RBFOX3: variants seen among roughly 807,000 people sequenced by gnomAD.
RBFOX3 encodes RNA binding protein fox-1 homolog 3.
Under a neutral mutation model 48.7 loss-of-function variants are expected in RBFOX3, and 17 were observed. The observed-to-expected ratio is 0.35, with a 90% CI of 0.24 to 0.52. RBFOX3 has a LOEUF of 0.52. Among genes scored for constraint, RBFOX3 ranks in the 20% least tolerant of loss-of-function variants. RBFOX3 has a pLI of 0.94. For synonymous variants in RBFOX3, 212 were observed against 209.5 expected (o/e 1.01, Z -0.10); for missense variants, 382 against 497.5 (o/e 0.77, Z 2.21).
At chr17:79,097,183 C>CCCG in intron 11 of RBFOX3, 109 bp downstream of exon 11, 1 of 891,648 alleles carries the variant, frequency 1.1e-6, no homozygotes, top group Non-Finnish European at 1.6e-6. Flanking sequence ...TCCCCCCCCC[C>CCCG]AGGTCTGGAA....
chr17:79,432,190 A>G (rs2068583831), intron 2 of RBFOX3, among the ~76,000 whole-genome samples: 1 of 152,154 alleles, frequency 6.6e-6, no homozygotes, highest in African/African-American at 2.4e-5. Context: ...TTGTTTCTCC[A>G]TTCATCTGTG....
At chr17:79,463,566 C>T (rs1186268219) in intron 2 of RBFOX3, among the ~76,000 whole-genome samples, 1 of 147,720 alleles carries the variant, frequency 6.8e-6, no homozygotes, top group South Asian at 2.2e-4. Context: ...GACACCTCCA[C>T]CACCATCGCC....
intron 2 of RBFOX3, among the ~76,000 whole-genome samples, chr17:79,382,766 C>T (rs1242775359): frequency 1.3e-5 from 2 of 152,204 alleles, no homozygotes; most frequent in Admixed American, 1.3e-4. Context: ...TCCCAGGCTC[C>T]TTGCAGCCTG....
intron 1 of RBFOX3, among the ~76,000 whole-genome samples, chr17:79,575,882 C>T (rs1460720481): frequency 6.6e-6 from 1 of 152,176 alleles, no homozygotes; most frequent in Non-Finnish European, 1.5e-5. Context: ...CTCGGTTAGG[C>T]TGAAACCACT....
At chr17:79,536,793 C>A (rs115171307) in intron 1 of RBFOX3, among the ~76,000 whole-genome samples, 1,819 of 152,296 alleles carry the variant, frequency 0.012, 26 homozygotes, top group African/African-American at 0.041. Context: ...CGGCTTAAAG[C>A]AACAGACATT....
intron 2 of RBFOX3, among the ~76,000 whole-genome samples, chr17:79,468,541 T>TAGGC (rs749752448): frequency 1.9e-3 from 282 of 151,688 alleles, no homozygotes; most frequent in Non-Finnish European, 3.2e-3. Context: ...CGGTAGCAGA[T>TAGGC]AGGCAGGCAG....
At chr17:79,296,305 C>CCACACA (rs61439993) in intron 3 of RBFOX3, among the ~76,000 whole-genome samples, 40 of 130,504 alleles carry the variant, frequency 3.1e-4, no homozygotes, top group African/African-American at 8.0e-4. Flanking sequence ...CACACACACA[C>CCACACA]CACACACACA....
intron 4 of RBFOX3, among the ~76,000 whole-genome samples, chr17:79,191,326 C>T (rs1001369050): frequency 1.3e-5 from 2 of 152,184 alleles, no homozygotes; most frequent in African/African-American, 4.8e-5. Flanking sequence ...AAACTCTGAC[C>T]AAACCTGAAA....
In RBFOX3 at chr17:79,366,915, A is replaced by T. The variant is rs1213578249; in HGVS notation, c.-174-59091T>A. Among the ~76,000 whole-genome samples, 113 of 152,274 alleles carry T rather than the reference A, an allele frequency of 7.4e-4. 2 individuals carry two copies. Among genetic ancestry groups the T allele is most frequent in the Non-Finnish European group, 1.8e-4 (12 of 68,010 alleles). Reference sequence around the variant, plus strand: ...CCCTCCCAGAGTACTGTCCTCAGAGAGAGCCACCTCGCCCAAGGGCCCTGG... The same window carrying T: ...CCCTCCCAGAGTACTGTCCTCAGAGTGAGCCACCTCGCCCAAGGGCCCTGG... On this transcript the variant is annotated intron_variant, in intron 2 of 14. Transcript: ENST00000693108.
chr17:79,541,477 C>T (rs1157767461), intron 1 of RBFOX3, among the ~76,000 whole-genome samples: 1 of 152,186 alleles, frequency 6.6e-6, no homozygotes, highest in African/African-American at 2.4e-5. Flanking sequence ...CTAGAGGCGC[C>T]TGGAGTCTGT....
intron 2 of RBFOX3, among the ~76,000 whole-genome samples, chr17:79,468,986 G>GGATA (rs200295263): frequency 0.11 from 9,718 of 91,126 alleles, 533 homozygotes; most frequent in Middle Eastern, 0.15. Flanking sequence ...ATGGATGGAT[G>GGATA]GATAGCAGAT....
Position 79,111,579 on chromosome 17 carries a change from G to A in RBFOX3, c.222+3915C>T, listed in dbSNP as rs901721126. 1.3e-5 allele frequency among the ~76,000 whole-genome samples: 2 copies of A among 152,208 alleles called. No homozygotes were observed. Among genetic ancestry groups the A allele is most frequent in the African/African-American group, 2.4e-5 (1 of 41,448 alleles). ...GCCTCCCGGGCAGCTGGGATTACAG[G>A]CACGAGCCACCATGCCCGATTAATT... is the stretch of plus-strand genomic sequence containing the variant. On this transcript the variant is annotated intron_variant, in intron 5 of 14. Transcript: ENST00000693108. This position sits in a 1 kb window ranked among gnomAD's most constrained non-coding sequence, Gnocchi z 4.2.
chr17:79,489,990 CTCA>C (rs2149579239), intron 1 of RBFOX3, among the ~76,000 whole-genome samples: 1 of 152,226 alleles, frequency 6.6e-6, no homozygotes, highest in Admixed American at 6.5e-5. Flanking sequence ...CACAGAGCAC[CTCA>C]TTTTAGTAGT....
At chr17:79,096,541 GTGGGATGGGA>G (rs758985975) in intron 12 of RBFOX3, 102 bp downstream of exon 12, 4 of 942,794 alleles carry the variant, frequency 4.2e-6, no homozygotes, top group Non-Finnish European at 6.4e-6. Flanking sequence ...GGCTTCAAGG[GTGGGATGGGA>G]TGGGATGGGA....
intron 4 of RBFOX3, among the ~76,000 whole-genome samples, chr17:79,227,452 G>T (rs2060442904): frequency 6.6e-6 from 1 of 152,198 alleles, no homozygotes; most frequent in Non-Finnish European, 1.5e-5. Context: ...CAGGGCAGGG[G>T]CTTTGTTTGG....
intron 4 of RBFOX3, among the ~76,000 whole-genome samples, chr17:79,202,432 G>A (rs1006603488): frequency 2.0e-5 from 3 of 152,172 alleles, no homozygotes; most frequent in African/African-American, 7.2e-5. Context: ...TCCTGGTAGA[G>A]TCTGCCACTG....
At chr17:79,162,932 T>C (rs1240984113) in intron 4 of RBFOX3, among the ~76,000 whole-genome samples, 1 of 152,146 alleles carries the variant, frequency 6.6e-6, no homozygotes, top group African/African-American at 2.4e-5. Flanking sequence ...CATCCTCCAG[T>C]GCCACCTGGA....
At chr17:79,181,887 G>A (rs1400794931) in intron 4 of RBFOX3, among the ~76,000 whole-genome samples, 1 of 151,706 alleles carries the variant, frequency 6.6e-6, no homozygotes, top group African/African-American at 2.4e-5. Context: ...CTCCTTGGAG[G>A]GCCAAGGGGC....
chr17:79,262,707 G>A (rs2065989513), intron 3 of RBFOX3, among the ~76,000 whole-genome samples: 1 of 152,240 alleles, frequency 6.6e-6, no homozygotes, highest in African/African-American at 2.4e-5. Flanking sequence ...GCTGCCCCGT[G>A]TGCCCCACAA....
Sources: gnomAD v4.1 joint callset for allele counts (sites outside exome capture counted in the v4.1 genomes callset) on GRCh38, gnomAD v4.1.1 for gene constraint, Gnocchi (gnomAD v3.1) non-coding constraint, MANE v1.5 for transcripts, NCBI Gene and HGNC (gene_info 2026-07-23, HGNC 2026-07-21) for gene names.